Variants in ADAM32 observed in about 807,000 individuals in gnomAD.
ADAM32 encodes the protein ADAM metallopeptidase domain 32, also known as disintegrin and metalloproteinase domain-containing protein 32.
A neutral mutation model predicts 114.9 loss-of-function variants in ADAM32; 89 were observed. That is an observed-to-expected ratio of 0.77 (90% CI 0.65 to 0.92). The LOEUF (loss-of-function observed/expected upper bound fraction) is 0.92, where lower values mean the gene tolerates loss of function less well. Among genes scored for constraint, ADAM32 ranks in the 40% least tolerant of loss-of-function variants. The pLI is 0.00. For missense variants in ADAM32, 870 were observed against 932.8 expected (o/e 0.93, Z 0.88); for synonymous variants, 285 against 307.5 (o/e 0.93, Z 0.77).
At chr8:39,281,549 A>C (rs747823712) in intron 23 of ADAM32, among the ~76,000 whole-genome samples, 3 of 152,198 alleles carry the variant, frequency 2.0e-5, no homozygotes, top group Admixed American at 6.5e-5. Flanking sequence ...TTACACCCCC[A>C]AAAACTCAAT....
chr8:39,111,957 A>T (rs1201830837), intron 1 of ADAM32, among the ~76,000 whole-genome samples: 1 of 152,158 alleles, frequency 6.6e-6, no homozygotes, highest in Non-Finnish European at 1.5e-5. Context: ...ACATCAGAAT[A>T]ATCTCTGGAT....
chr8:39,108,799 G>A (rs7008733), intron 1 of ADAM32, among the ~76,000 whole-genome samples: 151,865 of 152,346 alleles, frequency 1, 75,695 homozygotes, highest in Non-Finnish European at 1. Flanking sequence ...GTCAAGGCCA[G>A]GGTGTCAGCC....
At chr8:39,126,668 T>G (rs1389716532) in intron 2 of ADAM32, among the ~76,000 whole-genome samples, 1 of 152,170 alleles carries the variant, frequency 6.6e-6, no homozygotes, top group Non-Finnish European at 1.5e-5. Context: ...TTTATTTGTT[T>G]CTCTTGCCTG....
intron 16 of ADAM32, among the ~76,000 whole-genome samples, chr8:39,241,812 T>C (rs763695102): frequency 6.6e-6 from 1 of 152,246 alleles, no homozygotes; most frequent in Non-Finnish European, 1.5e-5. Flanking sequence ...CCCATTGTCT[T>C]GGTGATTAAC....
At chr8:39,122,733 C>A (rs1441225593) in intron 2 of ADAM32, among the ~76,000 whole-genome samples, 1 of 152,144 alleles carries the variant, frequency 6.6e-6, no homozygotes, top group Non-Finnish European at 1.5e-5. Flanking sequence ...TGTGCCACCA[C>A]GCTTGGCTAT....
At chr8:39,182,161 C>A (rs1392560512) in intron 10 of ADAM32, among the ~76,000 whole-genome samples, 1 of 152,076 alleles carries the variant, frequency 6.6e-6, no homozygotes, top group Non-Finnish European at 1.5e-5. Context: ...TATAGGCATA[C>A]ACTAAATTTT....
chr8:39,163,704 C>T (rs1279913388), intron 7 of ADAM32, among the ~76,000 whole-genome samples: 1 of 152,168 alleles, frequency 6.6e-6, no homozygotes, highest in Non-Finnish European at 1.5e-5. Context: ...AATTTCCGCT[C>T]TCATGGAGCA....
chr8:39,182,079 C>T (rs1418988531), intron 10 of ADAM32, among the ~76,000 whole-genome samples: 1 of 152,162 alleles, frequency 6.6e-6, no homozygotes, highest in Non-Finnish European at 1.5e-5. Context: ...ACATTATAAA[C>T]ACTTAGTAAT....
intron 11 of ADAM32, among the ~76,000 whole-genome samples, chr8:39,202,759 G>T (rs548323255): frequency 6.6e-6 from 1 of 152,030 alleles, no homozygotes; most frequent in Non-Finnish European, 1.5e-5. Flanking sequence ...GCTTTCTCTT[G>T]TGGGCATTTA....
intron 2 of ADAM32, among the ~76,000 whole-genome samples, chr8:39,118,474 T>A (rs1037187876): frequency 6.6e-6 from 1 of 152,172 alleles, no homozygotes; most frequent in African/African-American, 2.4e-5. Flanking sequence ...TTCTCCAAAA[T>A]GTCTAAGACA....
chr8:39,284,745 A>G (rs7008808), intron 24 of ADAM32, 48 bp from the exon 25 acceptor site: 574,612 of 1,605,366 alleles, frequency 0.36, 105,543 homozygotes, highest in African/African-American at 0.46. Context: ...GTGGGAGGGA[A>G]TTTGCTGTCA....
chr8:39,174,943 A>G (rs1371765218), intron 10 of ADAM32, among the ~76,000 whole-genome samples: 3 of 151,986 alleles, frequency 2.0e-5, no homozygotes, highest in Non-Finnish European at 4.4e-5. Flanking sequence ...TTCTCTTTGT[A>G]GCAACTGTGA....
chr8:39,157,674 G>C, intron 6 of ADAM32: 1 of 771,238 alleles, frequency 1.3e-6, no homozygotes, highest in Non-Finnish European at 2.2e-6. Flanking sequence ...TCCAGAGCCT[G>C]CTGCTTGGTC....
chr8:39,281,039 C>T, intron 22 of ADAM32, 97 bp from the exon 23 acceptor site: 1 of 372,016 alleles, frequency 2.7e-6, no homozygotes. Context: ...GCCTCAGCCT[C>T]CCAAAGTGCT....
At chr8:39,263,541 C>T (rs926907088) in intron 19 of ADAM32, among the ~76,000 whole-genome samples, 1 of 151,774 alleles carries the variant, frequency 6.6e-6, no homozygotes, top group African/African-American at 2.4e-5. Context: ...CATTGTTTTT[C>T]TTTTGCGATT....
At chr8:39,195,969 A>T (rs1313408405) in intron 11 of ADAM32, among the ~76,000 whole-genome samples, 1 of 152,072 alleles carries the variant, frequency 6.6e-6, no homozygotes, top group Non-Finnish European at 1.5e-5. Flanking sequence ...TCTCTACTCC[A>T]CATGGGTGGA....
At chr8:39,263,819 ATAC>A (rs2129450995) in intron 19 of ADAM32, among the ~76,000 whole-genome samples, 1 of 152,284 alleles carries the variant, frequency 6.6e-6, no homozygotes, top group East Asian at 1.9e-4. Flanking sequence ...TCTGGTTTCT[ATAC>A]CATAGCTAAT....
chr8:39,188,387 G>GTCTGTCTA (rs1351495350), intron 11 of ADAM32, among the ~76,000 whole-genome samples: 2 of 104,412 alleles, frequency 1.9e-5, no homozygotes, highest in Non-Finnish European at 4.1e-5. Flanking sequence ...CTGTCTGTCT[G>GTCTGTCTA]TCTATCTATC....
intron 2 of ADAM32, among the ~76,000 whole-genome samples, chr8:39,127,512 G>T (rs865806034): frequency 2.0e-5 from 3 of 151,976 alleles, no homozygotes; most frequent in African/African-American, 7.2e-5. Flanking sequence ...TTTCTGTGGG[G>T]TCAATGGTGA....
Sources: gnomAD v4.1 joint callset for allele counts (sites outside exome capture counted in the v4.1 genomes callset) on GRCh38, gnomAD v4.1.1 for gene constraint, MANE v1.5 for transcripts, NCBI Gene and HGNC (gene_info 2026-07-23, HGNC 2026-07-21) for gene names.